The following SNRNP48 variants were observed in gnomAD, a reference collection of about 807,000 sequenced individuals.
SNRNP48 encodes U11/U12 small nuclear ribonucleoprotein 48 kDa protein.
Under a neutral mutation model 47.0 loss-of-function variants are expected in SNRNP48, and 43 were observed. The ratio of observed to expected loss-of-function variants is 0.92; its 90% CI spans 0.72 to 1.18. SNRNP48 has a LOEUF of 1.18. Among genes scored for constraint, SNRNP48 ranks in the 50% most tolerant of loss-of-function variants. The pLI is 0.00. For missense variants in SNRNP48, 396 were observed against 422.2 expected (o/e 0.94, Z 0.54); for synonymous variants, 138 against 144.0 (o/e 0.96, Z 0.30).
rs906109595 is a variant in SNRNP48 at position 7,600,022 on chromosome 6, A to G, written c.407-1314A>G. 5.0e-6 allele frequency: 5 copies of G among 1,007,566 alleles called. No individual in the cohort carries two copies. In the African/African-American group the frequency reaches 5.2e-5, roughly 10 times the overall value. 62.4% of individuals were successfully genotyped at this position (1,007,566 alleles called of 1,614,324 possible). On this transcript the variant is annotated intron_variant, in intron 4 of 8. Transcript: ENST00000342415. ...ATCTGTGTTTTCCTCCCAAATTTTT[A>G]TAGCCTAATTCAAAGGAATTAGGCT... is the stretch of plus-strand genomic sequence containing the variant.
intron 1 of SNRNP48, among the ~76,000 whole-genome samples, chr6:7,592,997 G>A (rs2757595): frequency 0.29 from 43,432 of 151,818 alleles, 6,934 homozygotes; most frequent in Middle Eastern, 0.4. Context: ...TTTGAGGGTT[G>A]GGAGATGATG....
At chr6:7,600,963 C>T (rs913237036) in intron 4 of SNRNP48, 1 of 158,492 alleles carries the variant, frequency 6.3e-6, no homozygotes, top group Non-Finnish European at 1.4e-5. Context: ...TTTCCCCCAA[C>T]TTTGATGGGG....
chr6:7,611,227 G>A lies in SNRNP48; in HGVS notation c.*2354G>A, dbSNP rs1189828616. On this transcript the variant is annotated 3_prime_UTR_variant, in exon 9 of 9. Coordinates refer to ENST00000342415, the MANE Select transcript of SNRNP48 (RefSeq NM_152551.4). ...ATGTTTTTAGTTTTTTAGAGATGGAGTCTTGCTCTGTTGCCTAGGCTGGTC... is the reference window on the plus strand; with the variant it reads ...ATGTTTTTAGTTTTTTAGAGATGGAATCTTGCTCTGTTGCCTAGGCTGGTC... 5.9e-5 allele frequency: 9 copies of A among 152,276 alleles called. No individual in the cohort carries two copies. Among genetic ancestry groups the A allele is most frequent in the African/African-American group, 2.2e-4 (9 of 41,436 alleles). 9.4% of individuals were successfully genotyped at this position (152,276 alleles called of 1,614,324 possible). A position where few individuals can be genotyped will look rare whatever the true frequency, so the allele number is the denominator to read the frequency against.
intron 3 of SNRNP48, 41 bp from the exon 4 acceptor site, chr6:7,594,985 GA>G: frequency 1.3e-6 from 2 of 1,512,730 alleles, no homozygotes; most frequent in Non-Finnish European, 1.8e-6. Context: ...TGTGGTCACT[GA>G]TGATTCATAT....
Position 7,595,033 on chromosome 6 carries a change from A to G in SNRNP48, c.338A>G (p.Asp113Gly). Reference protein sequence around the residue: ...VKIPSITLNKDSQFQIIKQAR... With the variant: ...VKIPSITLNKGSQFQIIKQAR... ...ATTTTTTTTTTTTTGACAGATAAGG[A>G]CTCACAATTCCAGATAATTAAACAA... The change falls in exon 4 of 9, where the codon GAC becomes GGC. Residue 113 changes from aspartate (D) to glycine (G), a missense_variant. Asp to Gly is a moderately conservative substitution (Grantham distance 94). Transcript: ENST00000342415. The G allele has an allele frequency of 6.3e-7, 1 of 1,592,290 alleles. No homozygotes were observed.
In SNRNP48 at chr6:7,590,357, G is replaced by A. The variant is rs749569883; in HGVS notation, c.100G>A (p.Ala34Thr). The A allele has an allele frequency of 6.5e-6, 9 of 1,383,728 alleles. No homozygotes were observed. Among genetic ancestry groups the A allele is most frequent in the Middle Eastern group, 1.9e-4 (1 of 5,132 alleles). The allele number at this position is 1,383,728 out of a possible 1,614,324, so 85.7% of individuals were successfully genotyped here. A position where few individuals can be genotyped will look rare whatever the true frequency, so the allele number is the denominator to read the frequency against. The change falls in exon 1 of 9, where the codon GCG becomes ACG. Residue 34 changes from alanine (A) to threonine (T), a missense_variant. By Grantham distance (58) the Ala-to-Thr change is moderately conservative. Coordinates refer to ENST00000342415, the MANE Select transcript of SNRNP48 (RefSeq NM_152551.4). The part of the protein sequence containing the change: ...SGCRTLEEVT[A>T]SLGWDLDSLD... ...CTGCCGGACGTTGGAGGAGGTGACC[G>A]CGTCCCTGGGCTGGGACCTAGATAG...
At chr6:7,607,725 A>G (rs1760158061) in intron 8 of SNRNP48, among the ~76,000 whole-genome samples, 2 of 152,230 alleles carry the variant, frequency 1.3e-5, no homozygotes. Flanking sequence ...CATGAAGGCA[A>G]GGTCTGTATC....
At chr6:7,606,432 A>G (rs1040072353) in intron 8 of SNRNP48, among the ~76,000 whole-genome samples, 3 of 152,102 alleles carry the variant, frequency 2.0e-5, no homozygotes, top group Non-Finnish European at 2.9e-5. Context: ...TTTATCTCTT[A>G]CTTGCTTGCT....
intron 6 of SNRNP48, 49 bp downstream of exon 6, chr6:7,602,793 T>C: frequency 6.7e-7 from 1 of 1,493,384 alleles, no homozygotes. Flanking sequence ...TAGGTAATTT[T>C]CTAAATCTGT....
intron 6 of SNRNP48, 41 bp from the exon 7 acceptor site, chr6:7,605,357 G>A (rs373507556): frequency 5.3e-5 from 80 of 1,509,868 alleles, no homozygotes; most frequent in Middle Eastern, 1.7e-4. Context: ...AATTTTTTGA[G>A]CAGTTTTCTT....
chr6:7,594,098 G>T lies in SNRNP48; in HGVS notation c.271-1G>T, dbSNP rs2113714091. The T allele has an allele frequency of 7.0e-7, 1 of 1,429,426 alleles. No homozygotes were observed. The highest frequency in any genetic ancestry group is 1.4e-5 in the South Asian group (1 of 73,040). The allele number at this position is 1,429,426 out of a possible 1,614,324, so 88.5% of individuals were successfully genotyped here. A position where few individuals can be genotyped will look rare whatever the true frequency, so the allele number is the denominator to read the frequency against. ...AGAACAGTAAGATTCTTTTTTTTCA[G>T]GATGAAATGTATAATCCTGAGTTTT... On this transcript the variant is annotated splice_acceptor_variant, in intron 2 of 8. Coordinates refer to ENST00000342415, the MANE Select transcript of SNRNP48 (RefSeq NM_152551.4). LOFTEE classifies it high-confidence loss of function.
At chr6:7,600,762 G>A (rs1380758692) in intron 4 of SNRNP48, 2 of 152,140 alleles carry the variant, frequency 1.3e-5, no homozygotes, top group African/African-American at 4.8e-5. Flanking sequence ...GGCGTGAGGA[G>A]GTGTGGGATT....
At chr6:7,592,115 G>C (rs888612804) in intron 1 of SNRNP48, among the ~76,000 whole-genome samples, 1 of 152,118 alleles carries the variant, frequency 6.6e-6, no homozygotes, top group South Asian at 2.1e-4. Context: ...ACAAAGTGGT[G>C]GTCAGCAAAG....
At chr6:7,593,429 G>T (rs1390593592) in intron 1 of SNRNP48, among the ~76,000 whole-genome samples, 3 of 152,174 alleles carry the variant, frequency 2.0e-5, no homozygotes, top group Middle Eastern at 3.2e-3. Flanking sequence ...TTTCAGTGGG[G>T]TGATGGTGGC....
chr6:7,606,232 G>A (rs374684794), intron 8 of SNRNP48, 37 bp downstream of exon 8: 12 of 1,549,310 alleles, frequency 7.7e-6, no homozygotes, highest in Admixed American at 2.2e-5. Context: ...GTTGAATTCT[G>A]TACTTTTTAA....
chr6:7,606,251 C>T (rs1231110062), intron 8 of SNRNP48, 56 bp downstream of exon 8: 12 of 1,497,756 alleles, frequency 8.0e-6, no homozygotes, highest in African/African-American at 1.4e-5. Context: ...AAAAATAGAA[C>T]AGGTTCTTCT....
Position 7,609,622 on chromosome 6 carries a change from TA to T in SNRNP48, c.*750del, listed in dbSNP as rs964768630. On this transcript the variant is annotated 3_prime_UTR_variant, in exon 9 of 9. Transcript: ENST00000342415. ...CGAGTAGGAGGTATAGATGAGAGAT[TA>T]GGGGTGCAAATCAGGATTGGGAGGG... 2.0e-5 allele frequency: 3 copies of T among 152,326 alleles called. No individual in the cohort carries two copies. The highest frequency in any genetic ancestry group is 4.8e-5 in the African/African-American group (2 of 41,578). The allele number at this position is 152,326 out of a possible 1,614,324, so 9.4% of individuals were successfully genotyped here. A position where few individuals can be genotyped will look rare whatever the true frequency, so the allele number is the denominator to read the frequency against.
intron 1 of SNRNP48, among the ~76,000 whole-genome samples, chr6:7,590,634 C>CTCCA (rs1759799896): frequency 6.6e-6 from 1 of 152,214 alleles, no homozygotes; most frequent in Non-Finnish European, 1.5e-5. Context: ...CTCCCGAAGG[C>CTCCA]TCCACATCGA....
chr6:7,605,001 C>T (rs975566565), intron 6 of SNRNP48, among the ~76,000 whole-genome samples: 1 of 148,434 alleles, frequency 6.7e-6, no homozygotes, highest in African/African-American at 2.6e-5. Flanking sequence ...CATAGCTTCT[C>T]ATTGGCACTC....
Sources: gnomAD v4.1 joint callset for allele counts (sites outside exome capture counted in the v4.1 genomes callset) on GRCh38, gnomAD v4.1.1 for gene constraint, MANE v1.5 for transcripts, NCBI Gene and HGNC (gene_info 2026-07-23, HGNC 2026-07-21) for gene names.